Variants in ENTREP2 observed in about 807,000 individuals in gnomAD.
The protein encoded by ENTREP2 is protein ENTREP2.
the ENTREP2 span, among the ~76,000 whole-genome samples, chr15:29,646,717 T>G: frequency 6.6e-6 from 1 of 152,164 alleles, no homozygotes; most frequent in Non-Finnish European, 1.5e-5. Context: ...AGTACCTAGA[T>G]GAACATTTGA....
the ENTREP2 span, among the ~76,000 whole-genome samples, chr15:29,302,800 CT>C: frequency 2.0e-5 from 3 of 152,124 alleles, no homozygotes; most frequent in Non-Finnish European, 4.4e-5. Context: ...GAAATATTCG[CT>C]TTTTTTATGT....
At chr15:29,262,700 T>C in the ENTREP2 span, among the ~76,000 whole-genome samples, 1 of 152,226 alleles carries the variant, frequency 6.6e-6, no homozygotes, top group Non-Finnish European at 1.5e-5. Flanking sequence ...CCCTGAGTTG[T>C]GTGGACTGCT....
chr15:29,286,590 C>T, the ENTREP2 span, among the ~76,000 whole-genome samples: 2 of 152,130 alleles, frequency 1.3e-5, no homozygotes, highest in Non-Finnish European at 2.9e-5. Context: ...CTGTCTGAGT[C>T]CTGGAGCCCC....
chr15:29,285,318 C>G, the ENTREP2 span, among the ~76,000 whole-genome samples: 1 of 152,174 alleles, frequency 6.6e-6, no homozygotes, highest in African/African-American at 2.4e-5. Context: ...GGCAGTACCC[C>G]TGCCCTGGGC....
chr15:29,532,772 G>A, the ENTREP2 span, among the ~76,000 whole-genome samples: 1 of 152,180 alleles, frequency 6.6e-6, no homozygotes. Context: ...ATTTCTGCTA[G>A]ATTTTAAAAT....
the ENTREP2 span, among the ~76,000 whole-genome samples, chr15:29,359,257 A>T: frequency 3.9e-5 from 6 of 152,158 alleles, no homozygotes; most frequent in Non-Finnish European, 1.5e-5. Flanking sequence ...GTTTCCCTGC[A>T]TTTTCCAGGT....
chr15:29,290,300 C>A, the ENTREP2 span, among the ~76,000 whole-genome samples: 1 of 152,208 alleles, frequency 6.6e-6, no homozygotes, highest in Non-Finnish European at 1.5e-5. Flanking sequence ...CACCTCAGGG[C>A]TCTGCACGGG....
the ENTREP2 span, chr15:29,136,301 C>A: frequency 7.0e-7 from 1 of 1,418,966 alleles, no homozygotes; most frequent in East Asian, 2.7e-5. Context: ...CTTCCGAGGG[C>A]AGGCCGGGAC....
the ENTREP2 span, among the ~76,000 whole-genome samples, chr15:29,672,003 T>C: frequency 1.3e-5 from 2 of 152,192 alleles, no homozygotes; most frequent in Non-Finnish European, 2.9e-5. Context: ...GTTTGTTTGT[T>C]TGAAACAGCA....
the ENTREP2 span, chr15:29,613,256 T>G: frequency 1.2e-5 from 2 of 170,798 alleles, no homozygotes. Flanking sequence ...AGCGTTGGCT[T>G]CTAGCGCATC....
At chr15:29,490,830 G>A in the ENTREP2 span, among the ~76,000 whole-genome samples, 2 of 152,242 alleles carry the variant, frequency 1.3e-5, no homozygotes, top group Admixed American at 1.3e-4. Context: ...CCCGTGCCAG[G>A]GCCGAAGGGG....
the ENTREP2 span, chr15:29,269,027 A>C: frequency 1.9e-6 from 3 of 1,614,004 alleles, no homozygotes; most frequent in Non-Finnish European, 2.5e-6. Context: ...TGTCGCACAA[A>C]GTCCTCAGTA....
chr15:29,291,843 A>T, the ENTREP2 span, among the ~76,000 whole-genome samples: 1 of 151,230 alleles, frequency 6.6e-6, no homozygotes, highest in Non-Finnish European at 1.5e-5. Flanking sequence ...CAAAACTTTT[A>T]GGTTTGCATA....
At chr15:29,376,377 A>G in the ENTREP2 span, 1 of 152,160 alleles carries the variant, frequency 6.6e-6, no homozygotes, top group Non-Finnish European at 1.5e-5. Flanking sequence ...ATTGGCATCC[A>G]GCATAATATA....
At chr15:29,674,441 TG>T in the ENTREP2 span, among the ~76,000 whole-genome samples, 1 of 152,066 alleles carries the variant, frequency 6.6e-6, no homozygotes, top group Admixed American at 6.5e-5. Context: ...AGCTAATTTT[TG>T]TATTTTTAGT....
At chr15:29,674,141 G>GGGGC in the ENTREP2 span, among the ~76,000 whole-genome samples, 236 of 142,432 alleles carry the variant, frequency 1.7e-3, 11 homozygotes, top group Admixed American at 2.8e-3. Flanking sequence ...GGGGGGGGGG[G>GGGGC]GGCTTTGCCA....
the ENTREP2 span, among the ~76,000 whole-genome samples, chr15:29,347,516 T>C: frequency 6.6e-6 from 1 of 152,136 alleles, no homozygotes; most frequent in Admixed American, 6.6e-5. Context: ...TCACTATTTT[T>C]TCTACAGGAG....
chr15:29,459,710 T>A, the ENTREP2 span, among the ~76,000 whole-genome samples: 1 of 152,082 alleles, frequency 6.6e-6, no homozygotes, highest in African/African-American at 2.4e-5. Flanking sequence ...GAGCCCCACA[T>A]GCAGCACAAA....
the ENTREP2 span, among the ~76,000 whole-genome samples, chr15:29,604,615 G>A: frequency 1.5e-3 from 224 of 152,244 alleles, 2 homozygotes; most frequent in Non-Finnish European, 2.7e-3. Context: ...CATTGAAAAG[G>A]AGTAAACTGC....
Sources: allele counts gnomAD v4.1 joint callset (sites outside exome capture counted in the v4.1 genomes callset), GRCh38; gene constraint gnomAD v4.1.1; transcripts MANE v1.5; gene names NCBI Gene and HGNC (gene_info 2026-07-23, HGNC 2026-07-21).